The following CFAP161 variants were observed in gnomAD, a reference collection of about 807,000 sequenced individuals.
CFAP161 encodes cilia- and flagella-associated protein 161.
Under a neutral mutation model 29.0 loss-of-function variants are expected in CFAP161, and 25 were observed. The observed-to-expected ratio is 0.86, with a 90% CI of 0.63 to 1.20. The LOEUF is 1.20. CFAP161 is among the 50% of genes most tolerant of loss of function. CFAP161 has a pLI of 0.00. For missense variants in CFAP161, 367 were observed against 371.9 expected (o/e 0.99, Z 0.11); for synonymous variants, 116 against 137.4 (o/e 0.84, Z 1.09).
chr15:81,106,142 G>C (rs1021575170), intron 1 of CFAP161, among the ~76,000 whole-genome samples: 15 of 152,134 alleles, frequency 9.9e-5, no homozygotes, highest in African/African-American at 3.4e-4. Context: ...CTTCTAAGAT[G>C]GTCTTGATAG....
chr15:81,135,219 A>T, intron 1 of CFAP161, 51 bp from the exon 2 acceptor site: 1 of 1,279,976 alleles, frequency 7.8e-7, no homozygotes, highest in Non-Finnish European at 1.1e-6. Context: ...AAAAGTTATT[A>T]ATACTAACAT....
intron 1 of CFAP161, among the ~76,000 whole-genome samples, chr15:81,116,618 T>C (rs907148771): frequency 1.3e-5 from 2 of 152,168 alleles, no homozygotes; most frequent in Non-Finnish European, 1.5e-5. Flanking sequence ...TTCAACATCT[T>C]GGGAAAAGCT....
At chr15:81,116,665 T>C (rs957466117) in intron 1 of CFAP161, among the ~76,000 whole-genome samples, 6 of 152,186 alleles carry the variant, frequency 3.9e-5, no homozygotes, top group Non-Finnish European at 8.8e-5. Context: ...TTCCCCTGGT[T>C]TGTAGTGTGA....
At position 81,122,791 on chromosome 15, in the gene CFAP161, C is replaced by A. The variant is rs764682360; in HGVS notation, c.-141-4799C>A. Among the ~76,000 whole-genome samples the A allele has an allele frequency of 1.3e-5, 2 of 151,988 alleles. 1 individual carries two copies. Among genetic ancestry groups the A allele is most frequent in the South Asian group, 4.2e-4 (2 of 4,804 alleles). Reference sequence around the variant, plus strand: ...ACAGGTATGAGCCACCGTGCCTGGCCGATGTTGATTTTTTTCATATGATTG... The same window carrying A: ...ACAGGTATGAGCCACCGTGCCTGGCAGATGTTGATTTTTTTCATATGATTG... On this transcript the variant is annotated intron_variant, in intron 1 of 4. Transcript: ENST00000560091.
upstream of CFAP161, among the ~76,000 whole-genome samples, chr15:81,131,905 C>CA (rs932284606): frequency 2.6e-5 from 4 of 151,568 alleles, no homozygotes; most frequent in Non-Finnish European, 5.9e-5. Flanking sequence ...AAGACAAAGA[C>CA]AAAAAAAATC....
At chr15:81,126,925 A>G (rs922970923) in intron 1 of CFAP161, among the ~76,000 whole-genome samples, 16 of 152,230 alleles carry the variant, frequency 1.1e-4, no homozygotes, top group African/African-American at 3.9e-4. Context: ...GTAGGTAGAA[A>G]AAAATAGAGA....
chr15:81,138,386 C>T (rs1834340028), intron 4 of CFAP161, among the ~76,000 whole-genome samples: 1 of 152,216 alleles, frequency 6.6e-6, no homozygotes, highest in African/African-American at 2.4e-5. Flanking sequence ...TTTCACAATG[C>T]AGCTGGCAAA....
intron 1 of CFAP161, among the ~76,000 whole-genome samples, chr15:81,105,106 C>CTCCCTCCCTCCCTTCCTCCCTCCCTCCA (rs1894346995): frequency 1.5e-5 from 1 of 68,814 alleles, no homozygotes; most frequent in Non-Finnish European, 3.1e-5. Flanking sequence ...CCCTCCCTCC[C>CTCCCTCCCTCCCTTCCTCCCTCCCTCCA]TTCCTTTCTC....
chr15:81,134,355 G>T lies in CFAP161; in HGVS notation c.26G>T (p.Gly9Val), dbSNP rs1894771103. The stretch of plus-strand genomic sequence containing the variant: ...ATGGCGCAGAACGTGTATGGTCCGG[G>T]AGTCCGGATAGGCAACTGGAATGAG... MAQNVYGP[G>V]VRIGNWNEDV... is the part of the protein sequence containing the mutation. Residue 9 changes from glycine (G) to valine (V), a missense_variant, in exon 1 of 7, where the codon GGA becomes GTA. Coordinates refer to ENST00000286732, the MANE Select transcript of CFAP161 (RefSeq NM_173528.4). The T allele has an allele frequency of 6.3e-7, 1 of 1,591,264 alleles. No individual in the cohort carries two copies. The highest frequency in any genetic ancestry group is 8.5e-7 in the Non-Finnish European group (1 of 1,170,048).
intron 1 of CFAP161, among the ~76,000 whole-genome samples, chr15:81,105,120 C>T (rs1218328142): frequency 3.9e-3 from 86 of 22,228 alleles, no homozygotes; most frequent in Middle Eastern, 0.031. Flanking sequence ...CTTTCTCCCC[C>T]ATACCTTTCT....
At chr15:81,113,603 G>T (rs1238052594) in intron 1 of CFAP161, among the ~76,000 whole-genome samples, 1 of 152,160 alleles carries the variant, frequency 6.6e-6, no homozygotes, top group Non-Finnish European at 1.5e-5. Context: ...TTATTACAAA[G>T]GATGTTATAA....
chr15:81,143,801 A>G lies in CFAP161; in HGVS notation c.617A>G (p.Tyr206Cys), dbSNP rs1894957556. Residue 206 changes from tyrosine to cysteine, a missense_variant, in exon 5 of 7, where the codon TAT becomes TGT. Physicochemically the swap from Tyr to Cys is radical, Grantham distance 194 (BLOSUM62 -2). Coordinates refer to ENST00000286732, the MANE Select transcript of CFAP161 (RefSeq NM_173528.4). ...CCTGACCCCCAGTTACGCCTGGAAT[A>G]TGAAGGCTTCCCCGTCCCGGTGAGT... ...AFPDPQLRLE[Y>C]EGFPVPANAK... 5 of 1,614,112 alleles carry G rather than the reference A, an allele frequency of 3.1e-6. No individual in the cohort carries two copies. The highest frequency in any genetic ancestry group is 1.7e-4 in the Middle Eastern group (1 of 6,058).
At position 81,135,284 on chromosome 15, in the gene CFAP161, CT is replaced by C. The variant is rs1595916953; in HGVS notation, c.86del (p.Phe29SerfsTer2). ...TTTCTGTTTAGGAGCTCATGAAAGA[CT>C]TCTTAGAGAAGAGAGACAAGGGGAA... ...VYLEEELMKD[F>X]LEKRDKGKLL... is the part of the protein sequence containing the mutation. On this transcript the variant is annotated frameshift_variant, in exon 2 of 7. Transcript: ENST00000286732. LOFTEE classifies it high-confidence loss of function. 6.3e-7 allele frequency: 1 copy of C among 1,598,004 alleles called. No individual in the cohort carries two copies. Among genetic ancestry groups the C allele is most frequent in the East Asian group, 2.2e-5 (1 of 44,682 alleles).
intron 1 of CFAP161, among the ~76,000 whole-genome samples, 195 bp from the exon 2 acceptor site, chr15:81,135,075 C>T (rs1029978874): frequency 6.6e-6 from 1 of 152,142 alleles, no homozygotes; most frequent in Non-Finnish European, 1.5e-5. Flanking sequence ...TTGCCTTTCT[C>T]ATTTTTCTAA....
chr15:81,136,547 T>G lies in CFAP161; in HGVS notation c.191T>G (p.Ile64Ser), dbSNP rs1378506545. The stretch of plus-strand genomic sequence containing the variant: ...CTTTCCGTAACTGAAGATGGCTATA[T>G]TCATTACGGTGACAAAGTGATGCTT... Reference protein sequence around the residue: ...MQLSVTEDGYIHYGDKVMLVN... With the variant: ...MQLSVTEDGYSHYGDKVMLVN... Residue 64 changes from isoleucine to serine, a missense_variant, in exon 3 of 7, where the codon ATT becomes AGT. By Grantham distance (142) the Ile-to-Ser change is moderately radical. Transcript: ENST00000286732. 1 of 1,614,126 alleles carries G rather than the reference T, an allele frequency of 6.2e-7. No homozygotes were observed. The highest frequency in any genetic ancestry group is 8.5e-7 in the Non-Finnish European group (1 of 1,180,046).
At chr15:81,148,205 C>T in intron 6 of CFAP161, 133 bp from the exon 7 acceptor site, 1 of 940,088 alleles carries the variant, frequency 1.1e-6, no homozygotes, top group Non-Finnish European at 1.6e-6. Context: ...CAAACATGTC[C>T]CATTTTAGAG....
At chr15:81,127,258 C>T (rs187646802) in intron 1 of CFAP161, among the ~76,000 whole-genome samples, 2 of 152,324 alleles carry the variant, frequency 1.3e-5, no homozygotes, top group Admixed American at 1.3e-4. Context: ...CTGCACCCAC[C>T]ATCCAGAGTG....
At chr15:81,136,394 G>C (rs141151068) in intron 2 of CFAP161, 122 bp from the exon 3 acceptor site, 1 of 834,930 alleles carries the variant, frequency 1.2e-6, no homozygotes, top group African/African-American at 1.7e-5. Context: ...CTAAGGGTTC[G>C]AGGGAATCCA....
At chr15:81,132,463 C>A (rs1248975326), upstream of CFAP161, among the ~76,000 whole-genome samples, 3 of 152,156 alleles carry the variant, frequency 2.0e-5, no homozygotes, top group African/African-American at 7.2e-5. Context: ...GGAAGTTATT[C>A]AGGTTGAAAA....
Sources: allele counts gnomAD v4.1 joint callset (sites outside exome capture counted in the v4.1 genomes callset), GRCh38; gene constraint gnomAD v4.1.1; transcripts MANE v1.5; gene names NCBI Gene and HGNC (gene_info 2026-07-23, HGNC 2026-07-21).